VCPIP1: variants seen among roughly 807,000 people sequenced by gnomAD.
VCPIP1 encodes the protein valosin containing protein interacting protein 1, also known as deubiquitinating protein VCPIP1.
A neutral mutation model predicts 85.0 loss-of-function variants in VCPIP1; 8 were observed. That is an observed-to-expected ratio of 0.09 (90% CI 0.06 to 0.17). The LOEUF (loss-of-function observed/expected upper bound fraction) is 0.17. Ranked by LOEUF, VCPIP1 falls within the 10% of genes least tolerant of loss-of-function variation. The pLI, the probability that VCPIP1 is intolerant of heterozygous loss-of-function variation, is 1.00. For synonymous variants in VCPIP1, 543 were observed against 544.5 expected, an observed-to-expected ratio of 1.00 and a Z score of 0.04; for missense variants, 1,070 against 1,486.3, an observed-to-expected ratio of 0.72 and a Z score of 4.61.
chr8:66,656,851 C>T (rs1811105023), intron 1 of VCPIP1, among the ~76,000 whole-genome samples: 1 of 145,882 alleles, frequency 6.9e-6, no homozygotes, highest in African/African-American at 2.8e-5. Flanking sequence ...CTCAGGCGAT[C>T]CGCCCCCTCG....
intron 1 of VCPIP1, among the ~76,000 whole-genome samples, chr8:66,656,555 G>A (rs1811102519): frequency 6.6e-6 from 1 of 152,158 alleles, no homozygotes; most frequent in African/African-American, 2.4e-5. Flanking sequence ...ATGAGGCAAA[G>A]CAGTAAATTT....
chr8:66,662,687 T>C (rs1180092990), intron 1 of VCPIP1, among the ~76,000 whole-genome samples: 3 of 151,876 alleles, frequency 2.0e-5, no homozygotes, highest in African/African-American at 7.3e-5. Flanking sequence ...TATTCATTTA[T>C]TTATTTATTT....
Position 66,628,677 on chromosome 8 carries a change from T to A in VCPIP1, c.*5824A>T, listed in dbSNP as rs1234381912. On this transcript the variant is annotated 3_prime_UTR_variant, in exon 3 of 3. Transcript: ENST00000310421. Reference sequence around the variant, plus strand: ...TTCTGATGGTATGTGACCAATGGCATGCATATACAAGACCTCAAGTCCAAG... The same window carrying A: ...TTCTGATGGTATGTGACCAATGGCAAGCATATACAAGACCTCAAGTCCAAG... 6.6e-6 allele frequency: 1 copy of A among 152,236 alleles called. No homozygotes were observed. Among genetic ancestry groups the A allele is most frequent in the African/African-American group, 2.4e-5 (1 of 41,456 alleles). The allele number at this position is 152,236 out of a possible 1,614,324, so 9.4% of individuals were successfully genotyped here.
At chr8:66,653,124 T>TAA (rs746876854) in intron 1 of VCPIP1, among the ~76,000 whole-genome samples, 6 of 152,246 alleles carry the variant, frequency 3.9e-5, no homozygotes, top group Non-Finnish European at 8.8e-5. Flanking sequence ...ACTTGACAAT[T>TAA]AAAGTTTCAG....
Position 66,635,100 on chromosome 8 carries a change from C to A in VCPIP1, c.3070G>T (p.Ala1024Ser). Residue 1024 changes from alanine (A) to serine (S), a missense_variant, in exon 3 of 3, where the codon GCC (alanine) becomes TCC (serine). By Grantham distance (99) the Ala-to-Ser change is moderately conservative (BLOSUM62 1). Transcript: ENST00000310421. ...AAAGAATGCCCTTTTCCCTGAAAGG[C>A]AGTTACGTTATGAAGTTGCTCAGAT... ...KKSEQLHNVTAFQGKGHSLGT... is the reference protein window; with the variant it reads ...KKSEQLHNVTSFQGKGHSLGT... The A allele has an allele frequency of 6.2e-7, 1 of 1,614,198 alleles. No homozygotes were observed. The highest frequency in any genetic ancestry group is 8.5e-7 in the Non-Finnish European group (1 of 1,180,042).
Position 66,651,618 on chromosome 8 carries a change from A to G in VCPIP1, c.2711-74T>C, listed in dbSNP as rs916195680. 17 of 1,228,916 alleles carry G rather than the reference A, an allele frequency of 1.4e-5. No homozygotes were observed. In the African/African-American group the frequency reaches 2.6e-4, roughly 19 times the overall value. 76.1% of individuals were successfully genotyped at this position (1,228,916 alleles called of 1,614,324 possible). The stretch of plus-strand genomic sequence containing the variant: ...ATCCAGGGCTGCTTTAGTAAGGATT[A>G]GCCTAGAATAAACATCAAGGCAGAG... On this transcript the variant is annotated intron_variant, in intron 1 of 2. Transcript: ENST00000310421.
chr8:66,661,029 G>A (rs537752314), intron 1 of VCPIP1, among the ~76,000 whole-genome samples: 2 of 151,960 alleles, frequency 1.3e-5, no homozygotes, highest in Non-Finnish European at 2.9e-5. Flanking sequence ...GCGACACTGC[G>A]AGACTCTGTC....
At chr8:66,647,134 A>C (rs1396055116) in intron 2 of VCPIP1, among the ~76,000 whole-genome samples, 1 of 152,172 alleles carries the variant, frequency 6.6e-6, no homozygotes, top group African/African-American at 2.4e-5. Flanking sequence ...CAAGGTCAGG[A>C]GTTCAAGACC....
rs1586620198 is a variant in VCPIP1, at chr8:66,634,108, T to G, written c.*393A>C. 1 of 159,964 alleles carries G rather than the reference T, an allele frequency of 6.3e-6. No individual in the cohort carries two copies. 9.9% of individuals were successfully genotyped at this position (159,964 alleles called of 1,614,324 possible). On this transcript the variant is annotated 3_prime_UTR_variant, in exon 3 of 3. Coordinates refer to ENST00000310421, the MANE Select transcript of VCPIP1 (RefSeq NM_025054.5). The stretch of plus-strand genomic sequence containing the variant: ...GACACTAGTATATGAGATGGTTACC[T>G]TGATGACATCAACATTAGCACAATC...
chr8:66,666,890 A>C lies in VCPIP1; in HGVS notation c.69T>G (p.Thr23=), dbSNP rs750231725. Residue 23 remains threonine (T), a synonymous_variant, in exon 1 of 3, where the codon ACT becomes ACG. Coordinates refer to ENST00000310421, the MANE Select transcript of VCPIP1 (RefSeq NM_025054.5). The surrounding 1 kb of genome is among the most constrained non-coding windows in gnomAD (Gnocchi z 6.3). ...PPPPPPEAPQ[T]PSSLASAAAS... ...CAGCCGCCGACGCCAAGGACGACGG[A>C]GTCTGTGGAGCCTCAGGGGGAGGAG... 76 of 1,612,074 alleles carry C rather than the reference A, an allele frequency of 4.7e-5. 1 individual carries two copies. Among genetic ancestry groups the C allele is most frequent in the Non-Finnish European group, 5.8e-5 (68 of 1,179,652 alleles).
At chr8:66,651,394 T>C in intron 2 of VCPIP1, 64 bp downstream of exon 2, 1 of 1,251,228 alleles carries the variant, frequency 8.0e-7, no homozygotes, top group Non-Finnish European at 1.1e-6. Context: ...CTATATGAAC[T>C]TTCTTAATCT....
rs538071523 is a variant in VCPIP1, at chr8:66,666,900, G to A, written c.59C>T (p.Ala20Val). Residue 20 changes from alanine to valine, a missense_variant, in exon 1 of 3, where the codon GCT becomes GTT. Coordinates refer to ENST00000310421, the MANE Select transcript of VCPIP1 (RefSeq NM_025054.5). The surrounding 1 kb of genome is among the most constrained non-coding windows in gnomAD (Gnocchi z 6.3). ...CGCCAAGGACGACGGAGTCTGTGGA[G>A]CCTCAGGGGGAGGAGGTGGCGGCGG... is the stretch of plus-strand genomic sequence containing the variant. Reference protein sequence around the residue: ...PLPPPPPPPEAPQTPSSLASA... With the variant: ...PLPPPPPPPEVPQTPSSLASA... The A allele has an allele frequency of 1.4e-5, 23 of 1,604,120 alleles. No homozygotes were observed. In the South Asian group the frequency reaches 2.3e-4, roughly 16 times the overall value.
chr8:66,638,962 C>CTATATATATATA (rs1305562313), intron 2 of VCPIP1, among the ~76,000 whole-genome samples: 12 of 133,332 alleles, frequency 9.0e-5, no homozygotes, highest in African/African-American at 4.1e-4. Flanking sequence ...CTCTCTCTCT[C>CTATATATATATA]TCTCTCTCTA....
chr8:66,664,689 G>A lies in VCPIP1; in HGVS notation c.2270C>T (p.Ser757Phe). Residue 757 changes from serine (S) to phenylalanine (F), a missense_variant, in exon 1 of 3, where the codon TCT becomes TTT. Coordinates refer to ENST00000310421, the MANE Select transcript of VCPIP1 (RefSeq NM_025054.5). The part of the protein sequence containing the change: ...SPSTIRDGPS[S>F]APATPTKAPY... ...AGCCTTGGTAGGTGTAGCAGGTGCAGAGGATGGACCATCACGAATGGTACT... is the reference window on the plus strand; with the variant it reads ...AGCCTTGGTAGGTGTAGCAGGTGCAAAGGATGGACCATCACGAATGGTACT... 1 of 1,613,804 alleles carries A rather than the reference G, an allele frequency of 6.2e-7. No individual in the cohort carries two copies. The highest frequency in any genetic ancestry group is 8.5e-7 in the Non-Finnish European group (1 of 1,179,852).
intron 1 of VCPIP1, among the ~76,000 whole-genome samples, chr8:66,651,974 T>C (rs1811057959): frequency 7.0e-6 from 1 of 143,852 alleles, no homozygotes; most frequent in South Asian, 2.2e-4. Context: ...GGAGTTCCGA[T>C]ACCAGCTTTG....
intron 1 of VCPIP1, among the ~76,000 whole-genome samples, 154 bp downstream of exon 1, chr8:66,664,095 T>C (rs536072582): frequency 6.6e-6 from 1 of 152,288 alleles, no homozygotes; most frequent in South Asian, 2.1e-4. Context: ...TTAACATCTA[T>C]CAACTGTTCA....
At chr8:66,654,034 C>T (rs548051947) in intron 1 of VCPIP1, among the ~76,000 whole-genome samples, 1 of 152,328 alleles carries the variant, frequency 6.6e-6, no homozygotes, top group South Asian at 2.1e-4. Context: ...TTCATTAACT[C>T]ATCACAACTA....
rs554597765 is a variant in VCPIP1 at position 66,629,918 on chromosome 8, G to GA, written c.*4582dup. ...CTAGCAATGAAATCTACATTAAGGG[G>GA]AAAAATCACTATTCCTGTACGATAA... On this transcript the variant is annotated 3_prime_UTR_variant, in exon 3 of 3. Coordinates refer to ENST00000310421, the MANE Select transcript of VCPIP1 (RefSeq NM_025054.5). 6 of 152,050 alleles carry GA rather than the reference G, an allele frequency of 3.9e-5. No individual in the cohort carries two copies. Among genetic ancestry groups the GA allele is most frequent in the Non-Finnish European group, 5.9e-5 (4 of 68,012 alleles). The allele number at this position is 152,050 out of a possible 1,614,324, so 9.4% of individuals were successfully genotyped here.
At chr8:66,657,496 G>A (rs1811112261) in intron 1 of VCPIP1, among the ~76,000 whole-genome samples, 1 of 152,122 alleles carries the variant, frequency 6.6e-6, no homozygotes, top group South Asian at 2.1e-4. Flanking sequence ...CCTATTGATA[G>A]TCAAAATGGT....
Sources: gnomAD v4.1 joint callset for allele counts (sites outside exome capture counted in the v4.1 genomes callset) on GRCh38, gnomAD v4.1.1 for gene constraint, Gnocchi (gnomAD v3.1) non-coding constraint, MANE v1.5 for transcripts, NCBI Gene and HGNC (gene_info 2026-07-23, HGNC 2026-07-21) for gene names.